Variants in TFDP2 observed in about 807,000 individuals in gnomAD.
TFDP2 encodes the protein transcription factor Dp-2 (E2F dimerization partner 2).
A neutral mutation model predicts 59.3 loss-of-function variants in TFDP2; 17 were observed. The ratio of observed to expected loss-of-function variants is 0.29; its 90% CI spans 0.20 to 0.43. TFDP2 has a LOEUF of 0.43. Among genes scored for constraint, TFDP2 ranks in the 20% least tolerant of loss-of-function variants. The pLI is 1.00. For synonymous variants in TFDP2, 180 were observed against 194.7 expected (o/e 0.92, Z 0.63); for missense variants, 391 against 528.8 (o/e 0.74, Z 2.56).
At position 141,993,572 on chromosome 3, in the gene TFDP2, C is replaced by G; in HGVS notation, c.322G>C (p.Ala108Pro). 6.4e-7 allele frequency: 1 copy of G among 1,573,076 alleles called. No individual in the cohort carries two copies. The highest frequency in any genetic ancestry group is 8.7e-7 in the Non-Finnish European group (1 of 1,151,432). ...TGWVPGDRKR[A>P]RKFIDSDFSE... ...AAATCAGAGTCTATAAATTTTCTAGCCCGTTTTCTATCACTAAAAAGGAAA... is the reference window on the plus strand; with the variant it reads ...AAATCAGAGTCTATAAATTTTCTAGGCCGTTTTCTATCACTAAAAAGGAAA... Residue 108 changes from alanine (A) to proline (P), a missense_variant, in exon 6 of 13, where the codon GCT (alanine) becomes CCT (proline). Physicochemically the swap from Ala to Pro is conservative, Grantham distance 27. Coordinates refer to ENST00000489671, the MANE Select transcript of TFDP2 (RefSeq NM_001178139.2).
At chr3:141,954,244 T>A (rs916108861) in intron 11 of TFDP2, among the ~76,000 whole-genome samples, 6 of 152,236 alleles carry the variant, frequency 3.9e-5, no homozygotes, top group Admixed American at 6.5e-5. Context: ...ACATTTATCC[T>A]ATGACAACAC....
intron 3 of TFDP2, chr3:142,043,815 T>C (rs1199164513): frequency 1.3e-6 from 2 of 1,577,914 alleles, no homozygotes; most frequent in Non-Finnish European, 1.7e-6. Context: ...TCCGCTTGTT[T>C]TTGAACACAT....
At chr3:142,026,303 T>C (rs1322911447) in intron 3 of TFDP2, among the ~76,000 whole-genome samples, 2 of 151,658 alleles carry the variant, frequency 1.3e-5, no homozygotes, top group Non-Finnish European at 2.9e-5. Context: ...TGCAGCGAGA[T>C]TCCGTCTCAA....
chr3:142,115,357 C>T (rs1378289643), intron 1 of TFDP2, among the ~76,000 whole-genome samples: 2 of 148,204 alleles, frequency 1.3e-5, no homozygotes, highest in East Asian at 2.0e-4. Context: ...CCCGCTCTCT[C>T]GCTCAGGCTG....
intron 8 of TFDP2, among the ~76,000 whole-genome samples, chr3:141,972,664 C>A (rs565870853): frequency 6.6e-6 from 1 of 152,150 alleles, no homozygotes; most frequent in African/African-American, 2.4e-5. Flanking sequence ...TAAAGCCCTC[C>A]CTCAGCCCTC....
intron 3 of TFDP2, among the ~76,000 whole-genome samples, chr3:142,041,919 T>A (rs1946992163): frequency 1.3e-5 from 2 of 152,352 alleles, no homozygotes; most frequent in African/African-American, 4.8e-5. Context: ...AAAAACCCAT[T>A]CTTCCATTAA....
chr3:141,972,412 C>A (rs982307342), intron 8 of TFDP2, among the ~76,000 whole-genome samples: 2 of 152,188 alleles, frequency 1.3e-5, no homozygotes, highest in Non-Finnish European at 2.9e-5. Context: ...TCCTATCAAC[C>A]CTTCTCTTTG....
chr3:141,959,671 T>C lies in TFDP2; in HGVS notation c.1051+3A>G, dbSNP rs368123190. On this transcript the variant is annotated splice_donor_region_variant and intron_variant, in intron 11 of 12. Transcript: ENST00000489671. ...CAACACATGAAAGCATCAGTTAACATACCTGTGATATAACCTTCTAAAGCC... is the reference window on the plus strand; with the variant it reads ...CAACACATGAAAGCATCAGTTAACACACCTGTGATATAACCTTCTAAAGCC... 6.6e-5 allele frequency: 107 copies of C among 1,613,736 alleles called. No homozygotes were observed. The highest frequency in any genetic ancestry group is 8.9e-5 in the Non-Finnish European group (105 of 1,179,802).
chr3:141,972,098 C>CCTCT (rs1346210599), intron 8 of TFDP2, among the ~76,000 whole-genome samples: 1 of 152,190 alleles, frequency 6.6e-6, no homozygotes, highest in African/African-American at 2.4e-5. Context: ...ATTCATGGTT[C>CCTCT]CTCTATCCAC....
At chr3:142,026,317 A>C (rs1323158568) in intron 3 of TFDP2, among the ~76,000 whole-genome samples, 2 of 149,748 alleles carry the variant, frequency 1.3e-5, no homozygotes, top group African/African-American at 4.8e-5. Flanking sequence ...GTCTCAAAAA[A>C]ACAAAAAAAC....
intron 3 of TFDP2, among the ~76,000 whole-genome samples, chr3:142,059,494 T>C (rs73232657): frequency 0.085 from 12,866 of 152,238 alleles, 687 homozygotes; most frequent in Middle Eastern, 0.14. Flanking sequence ...AGAAGAGAGT[T>C]GTGAAAAAAA....
intron 2 of TFDP2, among the ~76,000 whole-genome samples, chr3:142,094,312 T>C (rs1267313516): frequency 6.6e-6 from 1 of 151,786 alleles, no homozygotes. Flanking sequence ...GTACTTTTTT[T>C]TTTTTTTTTG....
At chr3:141,977,103 TATA>T (rs1210876582) in intron 7 of TFDP2, among the ~76,000 whole-genome samples, 9 of 101,492 alleles carry the variant, frequency 8.9e-5, no homozygotes, top group African/African-American at 3.5e-4. Context: ...TATATATATA[TATA>T]TTTTTTTTTT....
rs564576746 is a variant in TFDP2, at chr3:141,981,418, C to T, written c.357-2736G>A. Among the ~76,000 whole-genome samples, 11 of 152,176 alleles carry T rather than the reference C, an allele frequency of 7.2e-5. 1 individual carries two copies. Among genetic ancestry groups the T allele is most frequent in the African/African-American group, 2.6e-4 (11 of 41,524 alleles). The stretch of plus-strand genomic sequence containing the variant: ...TAGCCCCTCATTAAGTGATGTGGGA[C>T]TGTGAATATATTTACTGATAAATAA... On this transcript the variant is annotated intron_variant, in intron 6 of 12. Coordinates refer to ENST00000489671, the MANE Select transcript of TFDP2 (RefSeq NM_001178139.2).
intron 1 of TFDP2, among the ~76,000 whole-genome samples, chr3:142,128,223 T>C (rs1182176150): frequency 6.6e-6 from 1 of 152,028 alleles, no homozygotes; most frequent in Non-Finnish European, 1.5e-5. Flanking sequence ...AGACAGAAAA[T>C]GCCCCTTCTG....
chr3:142,110,751 A>G (rs1297870502), intron 1 of TFDP2, among the ~76,000 whole-genome samples: 7 of 151,788 alleles, frequency 4.6e-5, no homozygotes, highest in African/African-American at 1.7e-4. Flanking sequence ...TAGGAGTTTC[A>G]CTCTAGCGTG....
rs148123131 is a variant in TFDP2, at chr3:142,125,181, G to C, written c.-92-23340C>G. Among the ~76,000 whole-genome samples the C allele has an allele frequency of 4.9e-3, 742 of 152,228 alleles. 6 individuals are homozygous for C. The highest frequency in any genetic ancestry group is 0.017 in the African/African-American group (707 of 41,528). ...TTATCATGTAACTGCATTCCAGCCT[G>C]GGTGACAAAGTGAAGCTCTATCTCA... is the stretch of plus-strand genomic sequence containing the variant. On this transcript the variant is annotated intron_variant, in intron 1 of 12. Coordinates refer to ENST00000489671, the MANE Select transcript of TFDP2 (RefSeq NM_001178139.2).
chr3:141,978,699 T>G lies in TFDP2; in HGVS notation c.357-17A>C, dbSNP rs746333434. 2.5e-6 allele frequency: 4 copies of G among 1,576,280 alleles called. No homozygotes were observed. The highest frequency in any genetic ancestry group is 1.2e-5 in the South Asian group (1 of 85,598). On this transcript the variant is annotated splice_polypyrimidine_tract_variant and intron_variant, in intron 6 of 12. Transcript: ENST00000489671. Reference sequence around the variant, plus strand: ...CTTCGTTTACTAGAAGGGAAAAAAGTTTTTTTTACTCCATTATACATATTA... The same window carrying G: ...CTTCGTTTACTAGAAGGGAAAAAAGGTTTTTTTACTCCATTATACATATTA...
chr3:142,070,263 G>A (rs908465561), intron 3 of TFDP2, among the ~76,000 whole-genome samples: 4 of 152,088 alleles, frequency 2.6e-5, no homozygotes, highest in African/African-American at 9.7e-5. Context: ...ATCTTATAGA[G>A]TGAAATACGA....
Sources: gnomAD v4.1 joint callset for allele counts (sites outside exome capture counted in the v4.1 genomes callset) on GRCh38, gnomAD v4.1.1 for gene constraint, MANE v1.5 for transcripts, NCBI Gene and HGNC (gene_info 2026-07-23, HGNC 2026-07-21) for gene names.